BTBD9: variants seen among roughly 807,000 people sequenced by gnomAD.
BTBD9 encodes BTB domain containing 9, also known as BTB/POZ domain-containing protein 9.
In BTBD9, 49 loss-of-function variants were observed where a neutral mutation model predicts 64.3. The observed-to-expected ratio is 0.76, with a 90% confidence interval of 0.61 to 0.97. BTBD9 has a LOEUF of 0.97. Ranked by LOEUF, BTBD9 falls within the 50% of genes least tolerant of loss-of-function variation. BTBD9 has a pLI of 0.00. For synonymous variants in BTBD9, 260 were observed against 274.7 expected (o/e 0.95, Z 0.53); for missense variants, 598 against 762.1 (o/e 0.78, Z 2.53).
intron 6 of BTBD9, among the ~76,000 whole-genome samples, chr6:38,416,918 C>A (rs148965144): frequency 2.8e-4 from 42 of 152,164 alleles, no homozygotes; most frequent in African/African-American, 9.4e-4. Flanking sequence ...GCCCAAGGAC[C>A]TCGTGGTTTT....
chr6:38,527,169 G>T (rs573901185), intron 6 of BTBD9, among the ~76,000 whole-genome samples: 42 of 146,984 alleles, frequency 2.9e-4, no homozygotes, highest in African/African-American at 9.8e-4. Flanking sequence ...CCAGCTACCT[G>T]GGAGGCTGAG....
At chr6:38,355,567 G>A (rs771975395) in intron 6 of BTBD9, among the ~76,000 whole-genome samples, 23 of 152,188 alleles carry the variant, frequency 1.5e-4, no homozygotes, top group Non-Finnish European at 2.6e-4. Context: ...AAAACTTAAC[G>A]AGTGGAATGA....
intron 8 of BTBD9, among the ~76,000 whole-genome samples, chr6:38,277,256 AC>A (rs1426766355): frequency 1.3e-5 from 2 of 152,160 alleles, no homozygotes; most frequent in South Asian, 2.1e-4. Flanking sequence ...TGAATATGAA[AC>A]CAAACATATA....
chr6:38,420,738 C>G (rs952616469), intron 6 of BTBD9, among the ~76,000 whole-genome samples: 1 of 152,048 alleles, frequency 6.6e-6, no homozygotes, highest in Admixed American at 6.5e-5. Context: ...CACCTGTAGT[C>G]TCAGCTACTC....
intron 6 of BTBD9, among the ~76,000 whole-genome samples, chr6:38,437,475 A>G (rs1436794331): frequency 6.6e-6 from 1 of 152,190 alleles, no homozygotes; most frequent in Non-Finnish European, 1.5e-5. Flanking sequence ...TTTTACTTCT[A>G]TTCACTGAAA....
chr6:38,490,010 T>C (rs925241201), intron 6 of BTBD9, among the ~76,000 whole-genome samples: 1 of 152,232 alleles, frequency 6.6e-6, no homozygotes, highest in African/African-American at 2.4e-5. Flanking sequence ...CATTTGTCCT[T>C]TGTAATGCCA....
chr6:38,315,128 G>A (rs771252716), intron 7 of BTBD9, among the ~76,000 whole-genome samples: 4 of 152,178 alleles, frequency 2.6e-5, no homozygotes, highest in Non-Finnish European at 4.4e-5. Flanking sequence ...GATTACAGGC[G>A]TGAGCCACCA....
At chr6:38,488,790 A>C (rs927053894) in intron 6 of BTBD9, among the ~76,000 whole-genome samples, 2 of 152,216 alleles carry the variant, frequency 1.3e-5, no homozygotes, top group Non-Finnish European at 2.9e-5. Context: ...ATTTTCATTA[A>C]GAAAATTATT....
At chr6:38,340,674 G>A (rs1582258884) in intron 7 of BTBD9, among the ~76,000 whole-genome samples, 1 of 152,132 alleles carries the variant, frequency 6.6e-6, no homozygotes, top group Admixed American at 6.5e-5. Context: ...TGAGCGAATT[G>A]TATCTCAGGG....
rs2127423497 is a variant in BTBD9, at chr6:38,525,206, G to A, written c.1154+52394C>T. On this transcript the variant is annotated intron_variant, in intron 6 of 10. Coordinates refer to ENST00000481247, the MANE Select transcript of BTBD9 (RefSeq NM_001099272.2). The stretch of plus-strand genomic sequence containing the variant: ...CCCTACACTGTTCTCATGACAGTGA[G>A]TGAGTTCTCACGAGATCTGATGGTT... Among the ~76,000 whole-genome samples the A allele has an allele frequency of 2.0e-5, 3 of 152,240 alleles. No individual in the cohort carries two copies. The South Asian group carries it at 6.2e-4, about 32-fold the overall frequency.
At chr6:38,489,770 A>T (rs1771618877) in intron 6 of BTBD9, among the ~76,000 whole-genome samples, 1 of 152,162 alleles carries the variant, frequency 6.6e-6, no homozygotes. Flanking sequence ...TTTATATGCC[A>T]TCTTTTGTGA....
intron 9 of BTBD9, among the ~76,000 whole-genome samples, chr6:38,221,768 G>A (rs755774090): frequency 2.6e-5 from 4 of 152,158 alleles, no homozygotes; most frequent in Admixed American, 6.5e-5. Flanking sequence ...CGAGGCAGGC[G>A]AATCACAAGG....
At chr6:38,415,493 A>T (rs949866003) in intron 6 of BTBD9, among the ~76,000 whole-genome samples, 2 of 152,158 alleles carry the variant, frequency 1.3e-5, no homozygotes, top group African/African-American at 4.8e-5. Flanking sequence ...TAGCCCAGTG[A>T]GACCCATTTT....
At chr6:38,522,362 G>GTCTCACAACATGGT (rs1554165709) in intron 6 of BTBD9, among the ~76,000 whole-genome samples, 1 of 151,900 alleles carries the variant, frequency 6.6e-6, no homozygotes, top group African/African-American at 2.4e-5. Flanking sequence ...TCAAATTAAA[G>GTCTCACAACATGGT]TCCCTATACT....
At chr6:38,414,141 A>G (rs1191220511) in intron 6 of BTBD9, among the ~76,000 whole-genome samples, 1 of 152,228 alleles carries the variant, frequency 6.6e-6, no homozygotes, top group Non-Finnish European at 1.5e-5. Flanking sequence ...TATCACTAAA[A>G]GAGACTGAAC....
At chr6:38,347,394 C>A (rs770904403) in intron 6 of BTBD9, among the ~76,000 whole-genome samples, 2 of 152,126 alleles carry the variant, frequency 1.3e-5, no homozygotes, top group Non-Finnish European at 2.9e-5. Flanking sequence ...TAGCAATTCA[C>A]CATTATATCT....
intron 9 of BTBD9, chr6:38,207,356 T>G (rs146488416): frequency 1.2e-3 from 251 of 207,138 alleles, no homozygotes; most frequent in African/African-American, 4.3e-3. Flanking sequence ...GTGTGGCAGT[T>G]CATGCCTGTA....
At chr6:38,498,865 T>C (rs895066496) in intron 6 of BTBD9, among the ~76,000 whole-genome samples, 1 of 152,118 alleles carries the variant, frequency 6.6e-6, no homozygotes, top group African/African-American at 2.4e-5. Context: ...TCAAAACAAA[T>C]GGAGCCCTAA....
chr6:38,325,986 C>A (rs917673810), intron 7 of BTBD9, among the ~76,000 whole-genome samples: 2 of 151,844 alleles, frequency 1.3e-5, no homozygotes, highest in African/African-American at 4.8e-5. Context: ...TGTATAGTTA[C>A]AAATGAAACT....
Sources: gnomAD v4.1 joint callset for allele counts (sites outside exome capture counted in the v4.1 genomes callset) on GRCh38, gnomAD v4.1.1 for gene constraint, MANE v1.5 for transcripts, NCBI Gene and HGNC (gene_info 2026-07-23, HGNC 2026-07-21) for gene names.